Variants in ZNF705G observed in about 807,000 individuals in gnomAD.
ZNF705G encodes putative zinc finger protein 705G.
In ZNF705G, 23 loss-of-function variants were observed where a neutral mutation model predicts 19.6. The ratio of observed to expected loss-of-function variants is 1.17; its 90% CI spans 0.84 to 1.66. ZNF705G has a LOEUF of 1.66. Ranked by LOEUF, ZNF705G falls within the 40% of genes most tolerant of loss-of-function variation. ZNF705G has a pLI of 0.00. For missense variants in ZNF705G, 457 were observed against 354.4 expected (o/e 1.29, Z -2.32); for synonymous variants, 146 against 117.7 (o/e 1.24, Z -1.56).
intron 3 of ZNF705G, among the ~76,000 whole-genome samples, chr8:7,362,389 C>T (rs1362200593): frequency 4.7e-5 from 7 of 149,516 alleles, no homozygotes; most frequent in Non-Finnish European, 4.4e-5. Context: ...CTTCTTTTCC[C>T]TCAACACTGC....
Position 7,367,022 on chromosome 8 carries a change from G to C in ZNF705G, c.-71-4005C>G, listed in dbSNP as rs192873705. Among the ~76,000 whole-genome samples the C allele has an allele frequency of 2.9e-3, 437 of 149,578 alleles. 20 individuals carry two copies. The highest frequency in any genetic ancestry group is 0.011 in the African/African-American group (418 of 38,978). ...CATGTGACTAGTAGTTACTATTTTG[G>C]CCAATACAGATCTAGAATCTTGGAG... On this transcript the variant is annotated intron_variant, in intron 2 of 6. Transcript: ENST00000400156.
At position 7,382,320 on chromosome 8, in the gene ZNF705G, C is replaced by T. The variant is rs1239233135; in HGVS notation, c.-221-719G>A. The stretch of plus-strand genomic sequence containing the variant: ...TGGACTCATGATTACAGATCCAAGT[C>T]TCCTCCTATTCAAATAGAAAGTCTT... On this transcript the variant is annotated intron_variant, in intron 1 of 6. Transcript: ENST00000400156. Among the ~76,000 whole-genome samples the T allele has an allele frequency of 3.2e-4, 47 of 147,820 alleles. 2 individuals are homozygous for T. The highest frequency in any genetic ancestry group is 1.2e-3 in the African/African-American group (45 of 37,416).
chr8:7,357,793 A>G lies in ZNF705G; in HGVS notation c.*183T>C. 1 of 983,278 alleles carries G rather than the reference A, an allele frequency of 1.0e-6. No individual in the cohort carries two copies. Among genetic ancestry groups the G allele is most frequent in the Non-Finnish European group, 1.4e-6 (1 of 695,124 alleles). The allele number at this position is 983,278 out of a possible 1,614,324, so 60.9% of individuals were successfully genotyped here. ...TACAACTACAGCTGAAGTCTCTTCC[A>G]CATTCCTTACCTTTGTCATTCCTAA... On this transcript the variant is annotated 3_prime_UTR_variant, in exon 7 of 7. Coordinates refer to ENST00000400156, the MANE Select transcript of ZNF705G (RefSeq NM_001164457.3).
At chr8:7,368,886 T>G (rs1300762674) in intron 2 of ZNF705G, among the ~76,000 whole-genome samples, 1 of 149,594 alleles carries the variant, frequency 6.7e-6, no homozygotes, top group African/African-American at 2.6e-5. Flanking sequence ...GCAATTTCCA[T>G]GAGGTATTAA....
chr8:7,369,251 C>T (rs906847161), intron 2 of ZNF705G, among the ~76,000 whole-genome samples: 3 of 149,526 alleles, frequency 2.0e-5, no homozygotes, highest in Admixed American at 6.6e-5. Flanking sequence ...AGAGCCAAAC[C>T]ATATCAGAAG....
In ZNF705G at chr8:7,369,385, C is replaced by A. The variant is rs761914711; in HGVS notation, c.-71-6368G>T. Among the ~76,000 whole-genome samples the A allele has an allele frequency of 2.0e-5, 3 of 149,218 alleles. 1 individual carries two copies. The highest frequency in any genetic ancestry group is 5.2e-5 in the African/African-American group (2 of 38,668). On this transcript the variant is annotated intron_variant, in intron 2 of 6. Coordinates refer to ENST00000400156, the MANE Select transcript of ZNF705G (RefSeq NM_001164457.3). ...CAGAGGGAAAATGTGGCGTTGGAAC[C>A]CCCACAGAGTCCACACTGGGGCACT...
intron 3 of ZNF705G, among the ~76,000 whole-genome samples, chr8:7,362,521 A>G (rs772814145): frequency 6.7e-6 from 1 of 149,564 alleles, no homozygotes; most frequent in Non-Finnish European, 1.5e-5. Flanking sequence ...ATTAATCACA[A>G]TCCTAAGTCT....
intron 2 of ZNF705G, among the ~76,000 whole-genome samples, chr8:7,366,030 G>A (rs1272865547): frequency 6.7e-6 from 1 of 149,526 alleles, no homozygotes; most frequent in Non-Finnish European, 1.5e-5. Context: ...AGGTGCTAGG[G>A]AAACAGCAGC....
intron 2 of ZNF705G, among the ~76,000 whole-genome samples, chr8:7,367,771 T>A (rs1698615943): frequency 6.7e-6 from 1 of 149,768 alleles, no homozygotes; most frequent in Non-Finnish European, 1.5e-5. Flanking sequence ...CCGCTCAGTC[T>A]CTTTTTCCAC....
intron 2 of ZNF705G, among the ~76,000 whole-genome samples, chr8:7,366,182 C>A (rs537429125): frequency 1.2e-5 from 1 of 85,254 alleles, no homozygotes; most frequent in East Asian, 3.1e-4. Flanking sequence ...GACGGGATTG[C>A]AAGTCAGATT....
chr8:7,377,190 AAC>A (rs753051942), intron 2 of ZNF705G: 7,176 of 27,090 alleles, frequency 0.26, 135 homozygotes, highest in Admixed American at 0.33. Flanking sequence ...GAAATCAAAT[AAC>A]ACACACACAC....
chr8:7,360,059 G>T lies in ZNF705G; in HGVS notation c.235+178C>A, dbSNP rs532046134. On this transcript the variant is annotated intron_variant, in intron 5 of 6. Transcript: ENST00000400156. ...AGAAAAGAAAAAAAAGAGGACACAA[G>T]AGTAGCATCTGACACATGAACAAAA... 2.0e-5 allele frequency among the ~76,000 whole-genome samples: 3 copies of T among 149,560 alleles called. No individual in the cohort carries two copies. In the East Asian group the frequency reaches 5.8e-4, roughly 29 times the overall value.
chr8:7,364,010 C>A (rs879866235), intron 2 of ZNF705G, among the ~76,000 whole-genome samples: 1 of 149,386 alleles, frequency 6.7e-6, no homozygotes, highest in Non-Finnish European at 1.5e-5. Flanking sequence ...TCAGAAAATA[C>A]AAAATGACTT....
chr8:7,379,717 C>G lies in ZNF705G; in HGVS notation c.-72+1735G>C, dbSNP rs1444428790. Among the ~76,000 whole-genome samples the G allele has an allele frequency of 2.0e-5, 3 of 147,360 alleles. 1 individual carries two copies. The highest frequency in any genetic ancestry group is 8.1e-5 in the African/African-American group (3 of 36,868). ...TATTCCCACTGTGGACACTGCAATC[C>G]TAGCCAAGGGACAGTCTCTCAGCCC... is the stretch of plus-strand genomic sequence containing the variant. On this transcript the variant is annotated intron_variant, in intron 2 of 6. Transcript: ENST00000400156.
At chr8:7,385,290 G>A (rs1253688531) in intron 1 of ZNF705G, among the ~76,000 whole-genome samples, 1 of 148,812 alleles carries the variant, frequency 6.7e-6, no homozygotes, top group East Asian at 1.9e-4. Context: ...TGAATTTTGG[G>A]GGAGAGACAC....
At chr8:7,368,024 C>G (rs1467307295) in intron 2 of ZNF705G, among the ~76,000 whole-genome samples, 2 of 149,638 alleles carry the variant, frequency 1.3e-5, no homozygotes, top group Non-Finnish European at 2.9e-5. Flanking sequence ...GACTCTTTCC[C>G]CAAGGTCTTA....
chr8:7,360,874 A>C (rs1327792537), intron 4 of ZNF705G, among the ~76,000 whole-genome samples: 2 of 149,482 alleles, frequency 1.3e-5, no homozygotes, highest in African/African-American at 2.6e-5. Context: ...GTACCAAAGA[A>C]ACCATGAAAT....
chr8:7,359,798 C>T (rs552782794), intron 5 of ZNF705G, 97 bp from the exon 6 acceptor site: 54 of 1,560,334 alleles, frequency 3.5e-5, no homozygotes, highest in South Asian at 1.6e-4. Context: ...AAAATTGACA[C>T]GTAGATGTGG....
At chr8:7,383,087 G>T (rs1411014682) in intron 1 of ZNF705G, among the ~76,000 whole-genome samples, 3 of 147,250 alleles carry the variant, frequency 2.0e-5, no homozygotes, top group East Asian at 3.9e-4. Context: ...TTCTGTAAAT[G>T]GAAATTACAT....
Sources: gnomAD v4.1 joint callset for allele counts (sites outside exome capture counted in the v4.1 genomes callset) on GRCh38, gnomAD v4.1.1 for gene constraint, MANE v1.5 for transcripts, NCBI Gene and HGNC (gene_info 2026-07-23, HGNC 2026-07-21) for gene names.